Variants in MTHFSD observed in about 807,000 individuals in gnomAD.
MTHFSD encodes methenyltetrahydrofolate synthetase domain containing, also known as methenyltetrahydrofolate synthase domain-containing protein.
A neutral mutation model predicts 31.1 loss-of-function variants in MTHFSD; 37 were observed. The observed-to-expected ratio is 1.19, with a 90% confidence interval of 0.91 to 1.56. MTHFSD has a LOEUF of 1.56. Among genes scored for constraint, MTHFSD ranks in the 40% most tolerant of loss-of-function variants. MTHFSD has a pLI of 0.00. For missense variants in MTHFSD, 664 were observed against 510.1 expected (o/e 1.30, Z -2.91); for synonymous variants, 221 against 206.9 (o/e 1.07, Z -0.59).
chr16:86,534,664 T>C (rs1472512351), intron 7 of MTHFSD, among the ~76,000 whole-genome samples: 2 of 152,242 alleles, frequency 1.3e-5, no homozygotes, highest in Admixed American at 6.5e-5. Flanking sequence ...AGATTTAGTA[T>C]TGAAACAGAT....
chr16:86,532,318 G>T lies in MTHFSD; in HGVS notation c.845C>A (p.Thr282Lys). The T allele has an allele frequency of 6.3e-7, 1 of 1,593,274 alleles. No individual in the cohort carries two copies. Among genetic ancestry groups the T allele is most frequent in the Non-Finnish European group, 8.5e-7 (1 of 1,170,950 alleles). Residue 282 changes from threonine (T) to lysine (K), a missense_variant, in exon 8 of 8, where the codon ACA (threonine) becomes AAA (lysine). Physicochemically the swap from Thr to Lys is moderately conservative, Grantham distance 78 (BLOSUM62 -1). Coordinates refer to ENST00000360900, the MANE Select transcript of MTHFSD (RefSeq NM_001159377.2). ...CATGGAATTGGTTTCTGGTCCGGGT[G>T]TGTCCGGGGGCCTCCTGCCAACACT... Reference protein sequence around the residue: ...PLSVGRRPPDTPGPETNSMEA... With the variant: ...PLSVGRRPPDKPGPETNSMEA...
chr16:86,542,573 A>G lies in MTHFSD; in HGVS notation c.443-360T>C, dbSNP rs1283089125. The G allele has an allele frequency of 5.3e-6, 1 of 189,708 alleles. No homozygotes were observed. Among genetic ancestry groups the G allele is most frequent in the African/African-American group, 2.4e-5 (1 of 42,516 alleles). 11.8% of individuals were successfully genotyped at this position (189,708 alleles called of 1,614,324 possible). On this transcript the variant is annotated intron_variant, in intron 5 of 7. Transcript: ENST00000360900. This position sits in a 1 kb window ranked among gnomAD's most constrained non-coding sequence, Gnocchi z 4.6. ...GCAGTTCTCAAAAAGACTAAAAACA[A>G]ATTCCCACTGAAAGCAAAACATGTT...
intron 7 of MTHFSD, 118 bp downstream of exon 7, chr16:86,541,579 G>A: frequency 7.1e-7 from 1 of 1,412,080 alleles, no homozygotes; most frequent in Non-Finnish European, 9.6e-7. Flanking sequence ...AGCTCCTTGG[G>A]TGATTCTAAC....
At chr16:86,540,152 G>A (rs1029570558) in intron 7 of MTHFSD, among the ~76,000 whole-genome samples, 17 of 152,198 alleles carry the variant, frequency 1.1e-4, no homozygotes, top group African/African-American at 4.1e-4. Flanking sequence ...GCTGTAGAAA[G>A]TGACTGATTT....
chr16:86,546,496 C>G lies in MTHFSD; in HGVS notation c.442+63G>C, dbSNP rs71390839. 3.7e-4 allele frequency: 531 copies of G among 1,441,784 alleles called. 2 individuals are homozygous for G. The African/African-American group carries it at 3.7e-3, about 10-fold the overall frequency. 89.3% of individuals were successfully genotyped at this position (1,441,784 alleles called of 1,614,324 possible). ...TGGCGACTTTTGAAAGACAAACAGC[C>G]TGGCACGCAGCCGCCTTCAGGCAGA... On this transcript the variant is annotated intron_variant, in intron 5 of 7. Transcript: ENST00000360900.
chr16:86,554,021 A>C (rs1017131737), intron 2 of MTHFSD, among the ~76,000 whole-genome samples: 4 of 152,156 alleles, frequency 2.6e-5, no homozygotes, highest in African/African-American at 9.7e-5. Context: ...AAACGGACCA[A>C]TCGGCTCTCT....
In MTHFSD at chr16:86,554,737, GT is replaced by G. The variant is rs997977587; in HGVS notation, c.30del (p.Lys10AsnfsTer17). On this transcript the variant is annotated frameshift_variant, in exon 2 of 8. Coordinates refer to ENST00000360900, the MANE Select transcript of MTHFSD (RefSeq NM_001159377.2). LOFTEE classifies it high-confidence loss of function. MEPRAVGVSKQDIREQIWGY... is the reference protein window; with the variant it reads MEPRAVGVSXQDIREQIWGY... ...CCCCAAATTTGTTCACGTATGTCCT[GT>G]TTGGAGACACCTACTGCAACAAAAG... is the stretch of plus-strand genomic sequence containing the variant. The G allele has an allele frequency of 1.1e-5, 17 of 1,613,580 alleles. No individual in the cohort carries two copies. In the African/African-American group the frequency reaches 2.0e-4, roughly 19 times the overall value.
intron 5 of MTHFSD, among the ~76,000 whole-genome samples, chr16:86,544,451 T>G (rs1971982142): frequency 6.6e-6 from 1 of 152,124 alleles, no homozygotes; most frequent in Non-Finnish European, 1.5e-5. Flanking sequence ...AAAGAAGACA[T>G]TTATACAGCC....
At chr16:86,538,356 C>T (rs1361494299) in intron 7 of MTHFSD, among the ~76,000 whole-genome samples, 1 of 152,216 alleles carries the variant, frequency 6.6e-6, no homozygotes, top group Non-Finnish European at 1.5e-5. Flanking sequence ...GGTCTCCCCA[C>T]AGAGGCTTCA....
At chr16:86,536,919 G>C (rs1039770376) in intron 7 of MTHFSD, among the ~76,000 whole-genome samples, 1 of 152,190 alleles carries the variant, frequency 6.6e-6, no homozygotes, top group Non-Finnish European at 1.5e-5. Context: ...TGAGCTTTCC[G>C]TGTTGGCTGT....
At chr16:86,541,442 T>C (rs1338944793) in intron 7 of MTHFSD, 2 of 614,376 alleles carry the variant, frequency 3.3e-6, no homozygotes, top group East Asian at 3.2e-5. Flanking sequence ...TCCCAGCCCA[T>C]GTGGCCATTT....
At position 86,537,843 on chromosome 16, in the gene MTHFSD, G is replaced by A. The variant is rs184721488; in HGVS notation, c.681+3854C>T. Among the ~76,000 whole-genome samples, 11 of 152,318 alleles carry A rather than the reference G, an allele frequency of 7.2e-5. 1 individual carries two copies. The highest frequency in any genetic ancestry group is 5.9e-4 in the Admixed American group (9 of 15,304). On this transcript the variant is annotated intron_variant, in intron 7 of 7. Transcript: ENST00000360900. ...GAATTGTTTCCTTGAGTATAAGCAC[G>A]AGCGTGGCTCTGGAAGAATCCAGTT...
Position 86,542,192 on chromosome 16 carries a change from T to C in MTHFSD, c.464A>G (p.Glu155Gly). The change falls in exon 6 of 8, where the codon GAA becomes GGA. Residue 155 changes from glutamate to glycine, a missense_variant. Coordinates refer to ENST00000360900, the MANE Select transcript of MTHFSD (RefSeq NM_001159377.2). This position sits in a 1 kb window ranked among gnomAD's most constrained non-coding sequence, Gnocchi z 4.6. ...GGCATATTCCAGATCGGCGTAGCCT[T>C]CTCCCTTCCCGATTCTCCAGCCTAA... Reference protein sequence around the residue: ...SEKGWRIGKGEGYADLEYAMM... With the variant: ...SEKGWRIGKGGGYADLEYAMM... 6.2e-7 allele frequency: 1 copy of C among 1,613,602 alleles called. No individual in the cohort carries two copies. Among genetic ancestry groups the C allele is most frequent in the Non-Finnish European group, 8.5e-7 (1 of 1,179,944 alleles).
chr16:86,534,548 C>G (rs542741557), intron 7 of MTHFSD, among the ~76,000 whole-genome samples: 26 of 152,330 alleles, frequency 1.7e-4, no homozygotes, highest in African/African-American at 6.3e-4. Flanking sequence ...TTCTACACCT[C>G]TATTCCACCT....
intron 7 of MTHFSD, among the ~76,000 whole-genome samples, chr16:86,537,676 G>A (rs1970900461): frequency 6.6e-6 from 1 of 152,226 alleles, no homozygotes; most frequent in Non-Finnish European, 1.5e-5. Flanking sequence ...GCTGTCCCAG[G>A]ACTGCTGCTC....
intron 7 of MTHFSD, among the ~76,000 whole-genome samples, chr16:86,540,221 G>A (rs1280458267): frequency 6.6e-6 from 1 of 152,206 alleles, no homozygotes; most frequent in African/African-American, 2.4e-5. Context: ...GACCCAAAAT[G>A]AGAGATGGCC....
chr16:86,536,108 G>A (rs78815795), intron 7 of MTHFSD, among the ~76,000 whole-genome samples: 4,978 of 152,310 alleles, frequency 0.033, 260 homozygotes, highest in African/African-American at 0.11. Flanking sequence ...TCTTGCCATG[G>A]CCCCCCAAAC....
At chr16:86,536,512 G>A (rs1970713560) in intron 7 of MTHFSD, among the ~76,000 whole-genome samples, 1 of 152,150 alleles carries the variant, frequency 6.6e-6, no homozygotes, top group Non-Finnish European at 1.5e-5. Context: ...ATCACGCTTC[G>A]ACTGGGAGTG....
At chr16:86,547,414 AGT>A in intron 4 of MTHFSD, 3 of 985,774 alleles carry the variant, frequency 3.0e-6, no homozygotes, top group Non-Finnish European at 3.6e-6. Flanking sequence ...ATCTGCCTGC[AGT>A]GCTATGACAA....
Sources: allele counts gnomAD v4.1 joint callset (sites outside exome capture counted in the v4.1 genomes callset), GRCh38; gene constraint gnomAD v4.1.1; non-coding constraint Gnocchi (gnomAD v3.1); transcripts MANE v1.5; gene names NCBI Gene and HGNC (gene_info 2026-07-23, HGNC 2026-07-21).